Variants in SLC7A6 observed in about 807,000 individuals in gnomAD.
The protein encoded by SLC7A6 is solute carrier family 7 member 6.
SLC7A6 carries 29 observed loss-of-function variants against 46.6 expected under a neutral mutation model. The ratio of observed to expected loss-of-function variants is 0.62; its 90% CI spans 0.46 to 0.85. The LOEUF is 0.85. SLC7A6 is among the 40% of genes least tolerant of loss of function. SLC7A6 has a pLI of 0.00. For synonymous variants in SLC7A6, 276 were observed against 257.3 expected, an observed-to-expected ratio of 1.07 and a Z score of -0.70; for missense variants, 527 against 647.6, an observed-to-expected ratio of 0.81 and a Z score of 2.02.
chr16:68,267,137 G>A (rs929234509), intron 2 of SLC7A6, among the ~76,000 whole-genome samples: 3 of 148,400 alleles, frequency 2.0e-5, no homozygotes, highest in Non-Finnish European at 4.4e-5. Context: ...GCTTTACCAT[G>A]TTGGCCAGGC....
In SLC7A6 at chr16:68,275,130, T is replaced by C. The variant is rs759043977; in HGVS notation, c.404T>C (p.Val135Ala). 6.8e-6 allele frequency: 11 copies of C among 1,614,154 alleles called. No individual in the cohort carries two copies. The highest frequency in any genetic ancestry group is 6.6e-5 in the South Asian group (6 of 91,072). Residue 135 changes from valine to alanine, a missense_variant, in exon 3 of 11, where the codon GTT (valine) becomes GCT (alanine). Val to Ala is a moderately conservative substitution (Grantham distance 64). Coordinates refer to ENST00000219343, the MANE Select transcript of SLC7A6 (RefSeq NM_003983.6). Reference sequence around the variant, plus strand: ...CGCCTGTGGGTCTCACTGCTAGTTGTTGAGCCCACCGGTCAGGCCATCATC... The same window carrying C: ...CGCCTGTGGGTCTCACTGCTAGTTGCTGAGCCCACCGGTCAGGCCATCATC... ...FIRLWVSLLV[V>A]EPTGQAIIAI...
At chr16:68,278,929 G>A (rs967619728) in intron 3 of SLC7A6, among the ~76,000 whole-genome samples, 3 of 151,898 alleles carry the variant, frequency 2.0e-5, no homozygotes, top group South Asian at 2.1e-4. Context: ...GGCGGCTGCC[G>A]GGCGGAGGCG....
chr16:68,295,964 A>C (rs1361618194), intron 8 of SLC7A6, among the ~76,000 whole-genome samples: 7 of 152,158 alleles, frequency 4.6e-5, no homozygotes, highest in Admixed American at 2.0e-4. Context: ...AGGCCTGAGG[A>C]CAGTGAGATG....
intron 2 of SLC7A6, among the ~76,000 whole-genome samples, chr16:68,270,705 G>T (rs1045425236): frequency 6.6e-6 from 1 of 152,168 alleles, no homozygotes; most frequent in Non-Finnish European, 1.5e-5. Flanking sequence ...TCTCCCTGGA[G>T]GTGGCTGTCT....
In SLC7A6 at chr16:68,291,837, G is replaced by C; in HGVS notation, c.1022+176G>C. On this transcript the variant is annotated intron_variant, in intron 7 of 10. Transcript: ENST00000219343. ...GCATGTACTTGCCTTTGTGCAAGTA[G>C]CACATTTGTATGCTGGTAGCTCATG... is the stretch of plus-strand genomic sequence containing the variant. 4 of 564,900 alleles carry C rather than the reference G, an allele frequency of 7.1e-6. No homozygotes were observed. In the South Asian group the frequency reaches 9.2e-5, roughly 13 times the overall value. The allele number at this position is 564,900 out of a possible 1,614,324, so 35.0% of individuals were successfully genotyped here.
At chr16:68,288,689 G>A (rs768816800) in intron 4 of SLC7A6, among the ~76,000 whole-genome samples, 4 of 152,194 alleles carry the variant, frequency 2.6e-5, no homozygotes, top group Non-Finnish European at 4.4e-5. Context: ...CCCTTGGCCC[G>A]GCACGGTGGC....
intron 3 of SLC7A6, among the ~76,000 whole-genome samples, chr16:68,276,834 CAAA>C (rs1261323714): frequency 1.3e-5 from 2 of 151,782 alleles, no homozygotes; most frequent in Non-Finnish European, 2.9e-5. Context: ...CCTGTCTCTA[CAAA>C]AAATCAAATT....
At position 68,297,336 on chromosome 16, in the gene SLC7A6, AG is replaced by A; in HGVS notation, c.*10del. 1.2e-6 allele frequency: 2 copies of A among 1,613,628 alleles called. No individual in the cohort carries two copies. The highest frequency in any genetic ancestry group is 1.7e-6 in the Non-Finnish European group (2 of 1,179,684). On this transcript the variant is annotated 3_prime_UTR_variant, in exon 11 of 11. Transcript: ENST00000219343. ...GAGAGGAAAACTGACTAGAGGTCAG[AG>A]GTGGCTTTCTGAGGCCTGGAAGGCA...
At chr16:68,291,765 GTGTGTGT>G (rs1567593784) in intron 7 of SLC7A6, 104 bp downstream of exon 7, 4 of 531,574 alleles carry the variant, frequency 7.5e-6, no homozygotes, top group Non-Finnish European at 1.3e-5. Flanking sequence ...CATATAGGGT[GTGTGTGT>G]GTGTGTGTGT....
intron 3 of SLC7A6, among the ~76,000 whole-genome samples, chr16:68,275,455 C>G (rs572852865): frequency 2.0e-5 from 3 of 151,782 alleles, no homozygotes; most frequent in African/African-American, 4.8e-5. Context: ...TATAGCTGGG[C>G]GTGGTGGTGC....
rs535222208 is a variant in SLC7A6 at position 68,281,977 on chromosome 16, G to A, written c.524-5769G>A. On this transcript the variant is annotated intron_variant, in intron 3 of 10. Transcript: ENST00000219343. Reference sequence around the variant, plus strand: ...CAAGGGTGACAGTGAGCAGGAGGAAGAGAAGGAGGGAGACTGGGAAGGATG... The same window carrying A: ...CAAGGGTGACAGTGAGCAGGAGGAAAAGAAGGAGGGAGACTGGGAAGGATG... 3.3e-5 allele frequency among the ~76,000 whole-genome samples: 5 copies of A among 152,346 alleles called. No homozygotes were observed. In the South Asian group the frequency reaches 1.0e-3, roughly 32 times the overall value.
chr16:68,264,545 C>A lies in SLC7A6; in HGVS notation c.-197C>A, dbSNP rs1465503836. 1 of 151,632 alleles carries A rather than the reference C, an allele frequency of 6.6e-6. No homozygotes were observed. Among genetic ancestry groups the A allele is most frequent in the South Asian group, 1.9e-4 (1 of 5,222 alleles). 9.4% of individuals were successfully genotyped at this position (151,632 alleles called of 1,614,324 possible). A position where few individuals can be genotyped will look rare whatever the true frequency, so the allele number is the denominator to read the frequency against. The stretch of plus-strand genomic sequence containing the variant: ...GCTGCCGCGGCGGCGGCGGCGCGAC[C>A]GAGCATCCTGGCGGCGCCGGGCCAC... On this transcript the variant is annotated 5_prime_UTR_variant, in exon 1 of 11. Coordinates refer to ENST00000219343, the MANE Select transcript of SLC7A6 (RefSeq NM_003983.6). The surrounding 1 kb of genome is among the most constrained non-coding windows in gnomAD (Gnocchi z 5.8).
rs2043212497 is a variant in SLC7A6, at chr16:68,298,408, A to G, written c.*1080A>G. On this transcript the variant is annotated 3_prime_UTR_variant, in exon 11 of 11. Transcript: ENST00000219343. Reference sequence around the variant, plus strand: ...TGTGAGGGACTGCTGTGCAGACCCAAGCAATCCCAACCTGGTGCTAGGTCA... The same window carrying G: ...TGTGAGGGACTGCTGTGCAGACCCAGGCAATCCCAACCTGGTGCTAGGTCA... 6.6e-6 allele frequency: 1 copy of G among 152,566 alleles called. No individual in the cohort carries two copies. The highest frequency in any genetic ancestry group is 1.5e-5 in the Non-Finnish European group (1 of 68,056). The allele number at this position is 152,566 out of a possible 1,614,324, so 9.5% of individuals were successfully genotyped here.
chr16:68,266,196 G>A (rs1470712901), intron 1 of SLC7A6, among the ~76,000 whole-genome samples: 2 of 152,050 alleles, frequency 1.3e-5, no homozygotes, highest in African/African-American at 4.8e-5. Context: ...GGAGGCGGAG[G>A]TTGCAGTGAG....
intron 3 of SLC7A6, among the ~76,000 whole-genome samples, chr16:68,278,945 C>G (rs1392871156): frequency 6.6e-6 from 1 of 151,994 alleles, no homozygotes; most frequent in African/African-American, 2.4e-5. Context: ...AGGCGCCCCC[C>G]ACCTCCCTCC....
chr16:68,285,535 T>C (rs1475971244), intron 3 of SLC7A6, among the ~76,000 whole-genome samples: 1 of 152,142 alleles, frequency 6.6e-6, no homozygotes, highest in Non-Finnish European at 1.5e-5. Context: ...GTCCCCCTAC[T>C]CCCACATCAT....
chr16:68,295,024 T>G (rs1301411048), intron 8 of SLC7A6: 1 of 405,380 alleles, frequency 2.5e-6, no homozygotes, highest in African/African-American at 2.1e-5. Context: ...AGGTGGGGAT[T>G]CACTTAATTT....
Position 68,296,615 on chromosome 16 carries a change from C to G in SLC7A6, c.1270-12C>G. The G allele has an allele frequency of 1.9e-6, 3 of 1,614,122 alleles. No homozygotes were observed. Among genetic ancestry groups the G allele is most frequent in the Non-Finnish European group, 2.5e-6 (3 of 1,179,988 alleles). On this transcript the variant is annotated splice_polypyrimidine_tract_variant and intron_variant, in intron 9 of 10. Coordinates refer to ENST00000219343, the MANE Select transcript of SLC7A6 (RefSeq NM_003983.6). ...TCCCACGTTACTTAATCTCTCACCCCCTCTATTTCAGCTGAGCGTGTTTTT... is the reference window on the plus strand; with the variant it reads ...TCCCACGTTACTTAATCTCTCACCCGCTCTATTTCAGCTGAGCGTGTTTTT...
intron 8 of SLC7A6, 27 bp from the exon 9 acceptor site, chr16:68,296,337 A>T (rs1338071063): frequency 6.2e-7 from 1 of 1,612,908 alleles, no homozygotes; most frequent in African/African-American, 1.3e-5. Flanking sequence ...GACGATGCTC[A>T]CCTGTCTCCC....
Sources: allele counts gnomAD v4.1 joint callset (sites outside exome capture counted in the v4.1 genomes callset), GRCh38; gene constraint gnomAD v4.1.1; non-coding constraint Gnocchi (gnomAD v3.1); transcripts MANE v1.5; gene names NCBI Gene and HGNC (gene_info 2026-07-23, HGNC 2026-07-21).